The following MAP6 variants were observed in gnomAD, a reference collection of about 807,000 sequenced individuals.
The protein encoded by MAP6 is microtubule associated protein 6, also known as microtubule-associated protein 6.
In MAP6, 26 loss-of-function variants were observed where a neutral mutation model predicts 42.4. The ratio of observed to expected loss-of-function variants is 0.61; its 90% CI spans 0.45 to 0.85. MAP6 has a LOEUF of 0.85. Among genes scored for constraint, MAP6 ranks in the 40% least tolerant of loss-of-function variants. The pLI, the probability that MAP6 is intolerant of heterozygous loss-of-function variation, is 0.00. For missense variants in MAP6, 966 were observed against 1,099.0 expected (o/e 0.88, Z 1.71); for synonymous variants, 418 against 443.8 (o/e 0.94, Z 0.73).
intron 3 of MAP6, among the ~76,000 whole-genome samples, chr11:75,600,384 A>T (rs745495043): frequency 9.9e-5 from 15 of 152,236 alleles, no homozygotes; most frequent in Non-Finnish European, 1.9e-4. Flanking sequence ...TTCATAGGGT[A>T]AATAACAAAA....
intron 3 of MAP6, among the ~76,000 whole-genome samples, chr11:75,601,933 C>T (rs1942670340): frequency 6.6e-6 from 1 of 151,514 alleles, no homozygotes. Context: ...CCTCCCTGAT[C>T]CATGGAACCA....
At chr11:75,601,966 T>C (rs1004122042) in intron 3 of MAP6, among the ~76,000 whole-genome samples, 1 of 151,844 alleles carries the variant, frequency 6.6e-6, no homozygotes, top group African/African-American at 2.4e-5. Context: ...TCCTCCTTCG[T>C]GCCCCACTGT....
At chr11:75,619,675 A>G (rs902528618) in intron 1 of MAP6, among the ~76,000 whole-genome samples, 2 of 152,232 alleles carry the variant, frequency 1.3e-5, no homozygotes. Flanking sequence ...TGTCCCTGCA[A>G]AGGACATAAA....
At chr11:75,647,346 T>TAAAA (rs1565276468) in intron 1 of MAP6, among the ~76,000 whole-genome samples, 1 of 7,440 alleles carries the variant, frequency 1.3e-4, no homozygotes, top group Non-Finnish European at 2.6e-4. Flanking sequence ...ACCCACCTGA[T>TAAAA]CAAAAAAAAA....
At chr11:75,652,166 A>G (rs542999429) in intron 1 of MAP6, among the ~76,000 whole-genome samples, 1 of 152,220 alleles carries the variant, frequency 6.6e-6, no homozygotes, top group African/African-American at 2.4e-5. Context: ...CTCTTGTTAT[A>G]TAAGTACCTA....
In MAP6 at chr11:75,587,343, G is replaced by A; in HGVS notation, c.2158C>T (p.Leu720Phe). Residue 720 changes from leucine (L) to phenylalanine (F), a missense_variant, in exon 4 of 4, where the codon CTC (leucine) becomes TTC (phenylalanine). Transcript: ENST00000304771. ...CCTTGATCCTTAACTAGTACTGGGA[G>A]AATGGGGTCTTGATTCTTCACGGAC... ...PESVKNQDPI[L>F]PVLVKDQGPT... 6.2e-7 allele frequency: 1 copy of A among 1,614,074 alleles called. No individual in the cohort carries two copies.
chr11:75,639,133 G>A (rs1041920811), intron 1 of MAP6, among the ~76,000 whole-genome samples: 1 of 152,152 alleles, frequency 6.6e-6, no homozygotes, highest in Non-Finnish European at 1.5e-5. Flanking sequence ...TAACAACTTT[G>A]GAAATTCAGA....
intron 1 of MAP6, among the ~76,000 whole-genome samples, chr11:75,609,749 C>T (rs1003154603): frequency 1.3e-5 from 2 of 152,324 alleles, no homozygotes; most frequent in East Asian, 3.9e-4. Context: ...AGAGAGACTA[C>T]TGGCTTTTAA....
At chr11:75,625,950 G>C (rs184474940) in intron 1 of MAP6, among the ~76,000 whole-genome samples, 22 of 152,064 alleles carry the variant, frequency 1.4e-4, no homozygotes, top group Non-Finnish European at 2.1e-4. Flanking sequence ...TCCCACTCTC[G>C]TCCTCTGAGT....
chr11:75,659,224 G>A (rs1943801600), intron 1 of MAP6, among the ~76,000 whole-genome samples: 1 of 152,234 alleles, frequency 6.6e-6, no homozygotes, highest in Non-Finnish European at 1.5e-5. Flanking sequence ...GCTCATGCCT[G>A]TAATCCCAGC....
chr11:75,598,506 T>C (rs1590755352), intron 3 of MAP6, among the ~76,000 whole-genome samples: 2 of 152,220 alleles, frequency 1.3e-5, no homozygotes, highest in African/African-American at 4.8e-5. Context: ...TATGCAGGCC[T>C]GAACAGAGGC....
chr11:75,667,975 C>T lies in MAP6; in HGVS notation c.395G>A (p.Arg132Gln). ...GCGCGGCCGGCAGCTGGGCTCGGGC[C>T]GCTGCACCTTCCAGGCTCGGTAATC... ...RQDYRAWKVQRPEPSCRPRSE... is the reference protein window; with the variant it reads ...RQDYRAWKVQQPEPSCRPRSE... Residue 132 changes from arginine to glutamine, a missense_variant, in exon 1 of 4, where the codon CGG becomes CAG. Physicochemically the swap from Arg to Gln is conservative, Grantham distance 43. Transcript: ENST00000304771. This position sits in a 1 kb window ranked among gnomAD's most constrained non-coding sequence, Gnocchi z 5.6. 7.7e-7 allele frequency: 1 copy of T among 1,301,858 alleles called. No individual in the cohort carries two copies. Among genetic ancestry groups the T allele is most frequent in the Non-Finnish European group, 9.8e-7 (1 of 1,021,046 alleles). 80.6% of individuals were successfully genotyped at this position (1,301,858 alleles called of 1,614,324 possible). A position where few individuals can be genotyped will look rare whatever the true frequency, so the allele number is the denominator to read the frequency against.
At chr11:75,629,022 C>T (rs1044242242) in intron 1 of MAP6, among the ~76,000 whole-genome samples, 1 of 152,160 alleles carries the variant, frequency 6.6e-6, no homozygotes, top group East Asian at 1.9e-4. Context: ...TGCCCAAAGT[C>T]ACAGAGCTGG....
intron 1 of MAP6, among the ~76,000 whole-genome samples, chr11:75,624,250 T>C (rs1177522901): frequency 6.6e-6 from 1 of 152,184 alleles, no homozygotes; most frequent in Non-Finnish European, 1.5e-5. Context: ...AGAAATGGGA[T>C]GTGGAATTTC....
chr11:75,612,497 A>G (rs1942915829), intron 1 of MAP6, among the ~76,000 whole-genome samples: 1 of 152,216 alleles, frequency 6.6e-6, no homozygotes, highest in South Asian at 2.1e-4. Flanking sequence ...GGATGTCAAC[A>G]GAAAAGCGGA....
At chr11:75,655,851 G>T (rs1471463061) in intron 1 of MAP6, among the ~76,000 whole-genome samples, 3 of 152,228 alleles carry the variant, frequency 2.0e-5, no homozygotes, top group Admixed American at 2.0e-4. Context: ...TTAGATTCCT[G>T]AGCCAGCTCA....
rs1942820975 is a variant in MAP6 at position 75,608,317 on chromosome 11, T to G, written c.911A>C (p.Glu304Ala). 1 of 1,613,820 alleles carries G rather than the reference T, an allele frequency of 6.2e-7. No individual in the cohort carries two copies. Residue 304 changes from glutamate to alanine, a missense_variant, in exon 2 of 4, where the codon GAA becomes GCA. Coordinates refer to ENST00000304771, the MANE Select transcript of MAP6 (RefSeq NM_033063.2). The stretch of plus-strand genomic sequence containing the variant: ...CTTGATGTCCGTCCATGCCCTGAAT[T>G]CATTCCTGTTAGTCAAAGAAAGCAT... ...ASAVSSSYRN[E>A]FRAWTDIKPV...
chr11:75,620,236 G>A (rs1943083718), intron 1 of MAP6, among the ~76,000 whole-genome samples: 1 of 152,136 alleles, frequency 6.6e-6, no homozygotes. Context: ...TTGGGAGGCC[G>A]AGGTAGGTGG....
In MAP6 at chr11:75,587,425, C is replaced by T. The variant is rs780460208; in HGVS notation, c.2076G>A (p.Lys692=). 9.7e-5 allele frequency: 157 copies of T among 1,614,040 alleles called. 2 individuals carry two copies. The Admixed American group carries it at 1.1e-3, about 12-fold the overall frequency. ...GTGCCACAACTGCAGAATCGTGAAC[C>T]TTTGCATGCTCTGGGACTACAACAT... ...DQDVVVPEHA[K]VHDSAVVAPV... The change falls in exon 4 of 4, where the codon AAG becomes AAA. Residue 692 remains lysine, a synonymous_variant. Coordinates refer to ENST00000304771, the MANE Select transcript of MAP6 (RefSeq NM_033063.2).
Sources: gnomAD v4.1 joint callset for allele counts (sites outside exome capture counted in the v4.1 genomes callset) on GRCh38, gnomAD v4.1.1 for gene constraint, Gnocchi (gnomAD v3.1) non-coding constraint, MANE v1.5 for transcripts, NCBI Gene and HGNC (gene_info 2026-07-23, HGNC 2026-07-21) for gene names.